PRKN: variants seen among roughly 807,000 people sequenced by gnomAD.
The protein encoded by PRKN is parkin RBR E3 ubiquitin protein ligase.
A neutral mutation model predicts 59.5 loss-of-function variants in PRKN; 56 were observed. That is an observed-to-expected ratio of 0.94 (90% CI 0.76 to 1.18). PRKN has a LOEUF of 1.18. Ranked by LOEUF, PRKN falls within the 50% of genes most tolerant of loss-of-function variation. The probability of loss-of-function intolerance (pLI) is 0.00; values close to 1 mark genes in which losing one functional copy is unlikely to be tolerated. For synonymous variants in PRKN, 250 were observed against 222.1 expected (o/e 1.13, Z -1.12); for missense variants, 657 against 596.4 (o/e 1.10, Z -1.06).
Position 161,551,363 on chromosome 6 carries a change from G to A in PRKN, c.934-2360C>T, listed in dbSNP as rs1780011548. On this transcript the variant is annotated intron_variant, in intron 8 of 11. Transcript: ENST00000366898. The surrounding 1 kb of genome is among the most constrained non-coding windows in gnomAD (Gnocchi z 5.2). ...CTGCATCCTTGAAATTATTCGTAAA[G>A]CTCGACACTAGGTTAGATCTATGAC... Among the ~76,000 whole-genome samples the A allele has an allele frequency of 6.6e-6, 1 of 152,188 alleles. No homozygotes were observed. Among genetic ancestry groups the A allele is most frequent in the Non-Finnish European group, 1.5e-5 (1 of 68,022 alleles).
At chr6:162,603,159 T>C (rs1240347720) in intron 1 of PRKN, among the ~76,000 whole-genome samples, 6 of 152,176 alleles carry the variant, frequency 3.9e-5, no homozygotes, top group Middle Eastern at 3.2e-3. Context: ...TATATTACTG[T>C]TGAGTGACAG....
Position 161,551,499 on chromosome 6 carries a change from TGAG to T in PRKN, c.934-2499_934-2497del, listed in dbSNP as rs1425818644. ...AGCAGCCTATGAGGCAGGTGAAAAC[TGAG>T]GAGGACTCAGGTGTCCCGAAAGCCA... On this transcript the variant is annotated intron_variant, in intron 8 of 11. Transcript: ENST00000366898. The surrounding 1 kb of genome is among the most constrained non-coding windows in gnomAD (Gnocchi z 5.2). Among the ~76,000 whole-genome samples, 6 of 152,098 alleles carry T rather than the reference TGAG, an allele frequency of 3.9e-5. No homozygotes were observed. The highest frequency in any genetic ancestry group is 1.4e-4 in the African/African-American group (6 of 41,394).
chr6:162,254,074 C>A (rs1779545071), intron 3 of PRKN, among the ~76,000 whole-genome samples: 1 of 152,176 alleles, frequency 6.6e-6, no homozygotes, highest in Non-Finnish European at 1.5e-5. Flanking sequence ...AACAGAACAA[C>A]TTCATGAAGA....
At chr6:162,540,926 A>G (rs571024680) in intron 1 of PRKN, among the ~76,000 whole-genome samples, 1 of 152,294 alleles carries the variant, frequency 6.6e-6, no homozygotes, top group South Asian at 2.1e-4. Context: ...AAAGTCATTG[A>G]TGTCTACATG....
intron 2 of PRKN, among the ~76,000 whole-genome samples, chr6:162,301,321 A>G (rs1384749745): frequency 1.3e-5 from 2 of 151,434 alleles, no homozygotes; most frequent in African/African-American, 4.9e-5. Flanking sequence ...TCAAAGACGC[A>G]GACTCAGCAT....
intron 6 of PRKN, among the ~76,000 whole-genome samples, chr6:161,898,849 G>C (rs1331568687): frequency 6.6e-6 from 1 of 152,206 alleles, no homozygotes; most frequent in Non-Finnish European, 1.5e-5. Flanking sequence ...ATGTACGCTT[G>C]TGGCTTCTTC....
chr6:162,244,447 A>G (rs1457478662), intron 3 of PRKN, among the ~76,000 whole-genome samples: 2 of 152,110 alleles, frequency 1.3e-5, no homozygotes, highest in Non-Finnish European at 2.9e-5. Context: ...TGTGTTTAAA[A>G]ATATATAAAA....
At chr6:162,022,424 T>C (rs1783242664) in intron 5 of PRKN, among the ~76,000 whole-genome samples, 1 of 152,226 alleles carries the variant, frequency 6.6e-6, no homozygotes, top group Admixed American at 6.5e-5. Context: ...ATTTCTCTGA[T>C]GATTAGATGT....
At chr6:161,854,843 G>C (rs970403270) in intron 6 of PRKN, among the ~76,000 whole-genome samples, 2 of 152,056 alleles carry the variant, frequency 1.3e-5, no homozygotes, top group Non-Finnish European at 2.9e-5. Context: ...CCAGCAGTCT[G>C]GGAGGCCGAG....
chr6:162,616,711 C>A lies in PRKN; in HGVS notation c.7+110951G>T, dbSNP rs577835869. Reference sequence around the variant, plus strand: ...AAATTGCTACTCCTCTGAATTGAAGCAGGAGAAAGCCTTACATAATATAAC... The same window carrying A: ...AAATTGCTACTCCTCTGAATTGAAGAAGGAGAAAGCCTTACATAATATAAC... On this transcript the variant is annotated intron_variant, in intron 1 of 11. Coordinates refer to ENST00000366898, the MANE Select transcript of PRKN (RefSeq NM_004562.3). 7.2e-5 allele frequency among the ~76,000 whole-genome samples: 11 copies of A among 152,222 alleles called. No individual in the cohort carries two copies. In the East Asian group the frequency reaches 2.1e-3, roughly 29 times the overall value.
chr6:162,015,531 T>G (rs949793011), intron 5 of PRKN, among the ~76,000 whole-genome samples: 2 of 152,154 alleles, frequency 1.3e-5, no homozygotes, highest in Admixed American at 1.3e-4. Context: ...GGAATGGCAT[T>G]TGTAAGCTGG....
intron 9 of PRKN, among the ~76,000 whole-genome samples, chr6:161,519,784 A>T (rs559075921): frequency 6.6e-6 from 1 of 152,326 alleles, no homozygotes; most frequent in African/African-American, 2.4e-5. Flanking sequence ...CAATTCTTAG[A>T]GTACCTTAGA....
intron 5 of PRKN, among the ~76,000 whole-genome samples, chr6:161,984,900 T>C (rs1040395817): frequency 1.1e-4 from 16 of 152,270 alleles, no homozygotes; most frequent in African/African-American, 3.8e-4. Flanking sequence ...GCTGGCCAGA[T>C]GAAGCAGCCC....
At chr6:161,452,383 C>T (rs1583087135) in intron 9 of PRKN, among the ~76,000 whole-genome samples, 1 of 152,188 alleles carries the variant, frequency 6.6e-6, no homozygotes, top group African/African-American at 2.4e-5. Flanking sequence ...GGCTTTGATA[C>T]TGTTTACAAA....
In PRKN at chr6:162,389,559, C is replaced by T. The variant is rs75351567; in HGVS notation, c.171+53751G>A. 2.2e-3 allele frequency among the ~76,000 whole-genome samples: 328 copies of T among 152,258 alleles called. 5 individuals carry two copies. Among genetic ancestry groups the T allele is most frequent in the East Asian group, 0.016 (81 of 5,186 alleles). On this transcript the variant is annotated intron_variant, in intron 2 of 11. Transcript: ENST00000366898. ...TCCCTCTACCCAGTCTAAAAGGTGT[C>T]CGATGATTCATTTTAATCATTTACC... is the stretch of plus-strand genomic sequence containing the variant.
At chr6:162,539,530 ACAT>A (rs1297148975) in intron 1 of PRKN, among the ~76,000 whole-genome samples, 1 of 152,204 alleles carries the variant, frequency 6.6e-6, no homozygotes, top group African/African-American at 2.4e-5. Context: ...TGGAGGATTT[ACAT>A]CATCGACTAT....
At chr6:162,006,388 T>A (rs1377948147) in intron 5 of PRKN, among the ~76,000 whole-genome samples, 1 of 152,190 alleles carries the variant, frequency 6.6e-6, no homozygotes. Flanking sequence ...CATTCAACAT[T>A]GTGCACTCAA....
At chr6:162,723,201 C>A (rs1162438980) in intron 1 of PRKN, among the ~76,000 whole-genome samples, 1 of 152,174 alleles carries the variant, frequency 6.6e-6, no homozygotes, top group Non-Finnish European at 1.5e-5. Context: ...GCACCTAGAG[C>A]AGTTAAGGGT....
intron 1 of PRKN, among the ~76,000 whole-genome samples, chr6:162,449,492 T>C (rs1217119909): frequency 6.6e-6 from 1 of 152,222 alleles, no homozygotes; most frequent in African/African-American, 2.4e-5. Context: ...CATTGGGTTG[T>C]TATAAGGATC....
Sources: allele counts gnomAD v4.1 joint callset (sites outside exome capture counted in the v4.1 genomes callset), GRCh38; gene constraint gnomAD v4.1.1; non-coding constraint Gnocchi (gnomAD v3.1); transcripts MANE v1.5; gene names NCBI Gene and HGNC (gene_info 2026-07-23, HGNC 2026-07-21).